Variants in TMC2 observed in about 807,000 individuals in gnomAD.
TMC2 encodes transmembrane channel like 2.
Under a neutral mutation model 105.9 loss-of-function variants are expected in TMC2, and 102 were observed. That is an observed-to-expected ratio of 0.96 (90% CI 0.82 to 1.14). The LOEUF (loss-of-function observed/expected upper bound fraction) is 1.14, where lower values mean the gene tolerates loss of function less well. TMC2 is among the 50% of genes most tolerant of loss of function. The pLI, the probability that TMC2 is intolerant of heterozygous loss-of-function variation, is 0.00. For missense variants in TMC2, 1,093 were observed against 1,134.3 expected (o/e 0.96, Z 0.52); for synonymous variants, 402 against 422.8 (o/e 0.95, Z 0.60).
chr20:2,612,449 T>G, intron 13 of TMC2, 109 bp downstream of exon 13: 1 of 1,087,332 alleles, frequency 9.2e-7, no homozygotes, highest in South Asian at 3.0e-5. Context: ...CAGCTGTTCA[T>G]CCAGCAAACA....
intron 2 of TMC2, among the ~76,000 whole-genome samples, chr20:2,554,784 T>C (rs950860558): frequency 6.8e-6 from 1 of 147,334 alleles, no homozygotes; most frequent in African/African-American, 2.6e-5. Context: ...AATTCCATTA[T>C]GATCTGAGAG....
chr20:2,618,391 A>G (rs1291981906), intron 16 of TMC2: 1 of 152,246 alleles, frequency 6.6e-6, no homozygotes, highest in African/African-American at 2.4e-5. Flanking sequence ...AATGGCTACC[A>G]TATTCGACAG....
intron 2 of TMC2, among the ~76,000 whole-genome samples, chr20:2,546,395 A>G (rs1199489669): frequency 6.6e-6 from 1 of 152,224 alleles, no homozygotes; most frequent in Non-Finnish European, 1.5e-5. Context: ...TTACATAACT[A>G]AAGTAGCCTT....
chr20:2,573,396 C>A (rs1443250131), intron 5 of TMC2, among the ~76,000 whole-genome samples: 1 of 151,994 alleles, frequency 6.6e-6, no homozygotes, highest in African/African-American at 2.4e-5. Flanking sequence ...TGTTTTATTT[C>A]TGCACATTTG....
intron 3 of TMC2, 111 bp from the exon 4 acceptor site, chr20:2,561,747 T>C: frequency 1.5e-6 from 2 of 1,362,804 alleles, no homozygotes; most frequent in South Asian, 1.4e-5. Flanking sequence ...TAATGGCTTC[T>C]GAGCAGGGGA....
chr20:2,606,165 A>G (rs1035269515), intron 11 of TMC2, among the ~76,000 whole-genome samples: 31 of 152,100 alleles, frequency 2.0e-4, no homozygotes, highest in African/African-American at 7.5e-4. Flanking sequence ...GCCAAGATTT[A>G]TTTTCCTTTT....
intron 3 of TMC2, among the ~76,000 whole-genome samples, chr20:2,559,045 C>T (rs576080826): frequency 6.6e-6 from 1 of 151,928 alleles, no homozygotes; most frequent in Non-Finnish European, 1.5e-5. Flanking sequence ...TGAGGCGGGG[C>T]GCGGGTGGAG....
intron 13 of TMC2, among the ~76,000 whole-genome samples, chr20:2,612,941 G>A (rs2086452231): frequency 6.6e-6 from 1 of 152,208 alleles, no homozygotes; most frequent in Non-Finnish European, 1.5e-5. Context: ...TTTTGAGATT[G>A]ATATCAATAT....
At chr20:2,588,022 CTT>C (rs1158107865) in intron 7 of TMC2, among the ~76,000 whole-genome samples, 1 of 150,698 alleles carries the variant, frequency 6.6e-6, no homozygotes, top group African/African-American at 2.5e-5. Context: ...TCCCCCCCCC[CTT>C]TGAGTATGGA....
chr20:2,571,314 A>C (rs1255764932), intron 4 of TMC2, among the ~76,000 whole-genome samples: 1 of 152,200 alleles, frequency 6.6e-6, no homozygotes. Context: ...CAAAAAACAA[A>C]TAACTCCATT....
intron 14 of TMC2, among the ~76,000 whole-genome samples, chr20:2,615,608 C>G (rs1473835234): frequency 6.6e-6 from 1 of 152,172 alleles, no homozygotes; most frequent in Non-Finnish European, 1.5e-5. Context: ...ATGAACCAAG[C>G]TGGGTGCTTT....
chr20:2,539,020 T>C (rs938988500), intron 2 of TMC2, among the ~76,000 whole-genome samples: 3 of 152,172 alleles, frequency 2.0e-5, no homozygotes. Context: ...CCTCCTCCTG[T>C]ATCATTTGGT....
chr20:2,552,541 G>C (rs1189966833), intron 2 of TMC2, among the ~76,000 whole-genome samples: 1 of 151,944 alleles, frequency 6.6e-6, no homozygotes, highest in Non-Finnish European at 1.5e-5. Context: ...TTGTTTTTGA[G>C]ACAGAGTTCT....
At chr20:2,540,257 G>A (rs1480318065) in intron 2 of TMC2, among the ~76,000 whole-genome samples, 1 of 151,716 alleles carries the variant, frequency 6.6e-6, no homozygotes, top group Non-Finnish European at 1.5e-5. Flanking sequence ...CCAAAGTGCT[G>A]GGATTACAGG....
intron 7 of TMC2, among the ~76,000 whole-genome samples, chr20:2,580,608 G>A (rs1290893493): frequency 1.3e-5 from 2 of 151,878 alleles, no homozygotes; most frequent in African/African-American, 4.8e-5. Context: ...TTAGAAACAG[G>A]GTCTCACTCT....
intron 10 of TMC2, among the ~76,000 whole-genome samples, chr20:2,601,280 C>T (rs2086349868): frequency 6.6e-6 from 1 of 152,226 alleles, no homozygotes; most frequent in Admixed American, 6.5e-5. Context: ...TACATCTTGT[C>T]TATGGTTGCT....
Position 2,616,097 on chromosome 20 carries a change from T to C in TMC2, c.1873-40T>C. 1 of 1,568,246 alleles carries C rather than the reference T, an allele frequency of 6.4e-7. No individual in the cohort carries two copies. The highest frequency in any genetic ancestry group is 8.8e-7 in the Non-Finnish European group (1 of 1,141,242). On this transcript the variant is annotated intron_variant, in intron 14 of 19. Transcript: ENST00000358864. The surrounding 1 kb of genome is among the most constrained non-coding windows in gnomAD (Gnocchi z 4.8). ...GGCTGAATTCACCAAACGTGCTTTT[T>C]TTTTTCTCTCTCTCTCTCGCTCCCT... is the stretch of plus-strand genomic sequence containing the variant.
chr20:2,613,139 G>C, intron 13 of TMC2, 55 bp from the exon 14 acceptor site: 5 of 1,578,112 alleles, frequency 3.2e-6, no homozygotes, highest in Middle Eastern at 3.8e-4. Context: ...CTCAGGGAGG[G>C]TGGGAGAAGT....
chr20:2,622,081 G>C (rs758971870), intron 16 of TMC2, among the ~76,000 whole-genome samples: 7 of 152,084 alleles, frequency 4.6e-5, no homozygotes, highest in Non-Finnish European at 1.0e-4. Flanking sequence ...GATGTGCCTG[G>C]CACTTGAAAT....
Sources: gnomAD v4.1 joint callset for allele counts (sites outside exome capture counted in the v4.1 genomes callset) on GRCh38, gnomAD v4.1.1 for gene constraint, Gnocchi (gnomAD v3.1) non-coding constraint, MANE v1.5 for transcripts, NCBI Gene and HGNC (gene_info 2026-07-23, HGNC 2026-07-21) for gene names.